The following RHEX variants were observed in gnomAD, a reference collection of about 807,000 sequenced individuals.
RHEX encodes regulator of hemoglobinization and erythroid cell expansion.
RHEX carries 18 observed loss-of-function variants against 20.1 expected under a neutral mutation model. That is an observed-to-expected ratio of 0.90 (90% confidence interval 0.62 to 1.33). RHEX has a LOEUF of 1.33. Ranked by LOEUF, RHEX falls within the 40% of genes most tolerant of loss-of-function variation. RHEX has a pLI of 0.00. For synonymous variants in RHEX, 87 were observed against 77.1 expected (o/e 1.13, Z -0.67); for missense variants, 192 against 214.3 (o/e 0.90, Z 0.65).
chr1:206,093,463 G>A (rs1662999300), intron 1 of RHEX, among the ~76,000 whole-genome samples: 1 of 151,974 alleles, frequency 6.6e-6, no homozygotes, highest in Admixed American at 6.6e-5. Flanking sequence ...TAGAGACGGG[G>A]TTTCACCATC....
intron 1 of RHEX, among the ~76,000 whole-genome samples, chr1:206,089,034 C>T (rs1481143917): frequency 2.0e-5 from 3 of 152,142 alleles, no homozygotes; most frequent in African/African-American, 7.2e-5. Context: ...TTGTCTCTTA[C>T]CCTCATGTAA....
rs186496900 is a variant in RHEX at position 206,053,224 on chromosome 1, C to T, written c.-138C>T. ...GAGGATTAACACAGTGGCTGAACACCGGGAAGGAACTGGCACTTGGAGTCC... is the reference window on the plus strand; with the variant it reads ...GAGGATTAACACAGTGGCTGAACACTGGGAAGGAACTGGCACTTGGAGTCC... On this transcript the variant is annotated 5_prime_UTR_variant, in exon 1 of 6. Transcript: ENST00000331555. The T allele has an allele frequency of 9.8e-5, 15 of 152,712 alleles. No individual in the cohort carries two copies. The highest frequency in any genetic ancestry group is 2.0e-4 in the Admixed American group (3 of 15,290). The allele number at this position is 152,712 out of a possible 1,614,324, so 9.5% of individuals were successfully genotyped here.
chr1:206,075,512 G>C (rs1228420404), intron 1 of RHEX, among the ~76,000 whole-genome samples: 3 of 152,004 alleles, frequency 2.0e-5, no homozygotes, highest in Non-Finnish European at 4.4e-5. Flanking sequence ...TTAAACTATT[G>C]TGGTGACAAA....
intron 1 of RHEX, among the ~76,000 whole-genome samples, chr1:206,075,898 G>A (rs1339652363): frequency 6.6e-6 from 1 of 152,130 alleles, no homozygotes; most frequent in East Asian, 1.9e-4. Context: ...ACCGTGCACA[G>A]CCAGAACAAG....
chr1:206,099,838 A>T, intron 4 of RHEX, 40 bp downstream of exon 4: 2 of 1,602,444 alleles, frequency 1.2e-6, no homozygotes, highest in Non-Finnish European at 1.7e-6. Flanking sequence ...CTAGGGACTA[A>T]CTTTGCTCTC....
intron 1 of RHEX, among the ~76,000 whole-genome samples, chr1:206,066,210 A>G (rs1662419565): frequency 6.6e-6 from 1 of 152,224 alleles, no homozygotes; most frequent in Admixed American, 6.5e-5. Flanking sequence ...CGTTGCTCTT[A>G]TCTGCGAATC....
At chr1:206,063,471 C>G (rs1024420930) in intron 1 of RHEX, among the ~76,000 whole-genome samples, 10 of 152,250 alleles carry the variant, frequency 6.6e-5, no homozygotes, top group African/African-American at 2.4e-4. Flanking sequence ...GCTGCCATCT[C>G]GGCTCACTGC....
intron 1 of RHEX, among the ~76,000 whole-genome samples, chr1:206,082,565 A>G (rs972906299): frequency 3.3e-5 from 5 of 152,194 alleles, no homozygotes; most frequent in Non-Finnish European, 7.3e-5. Context: ...TCACTACAGA[A>G]AGGACATTCT....
chr1:206,091,898 C>T (rs1662956355), intron 1 of RHEX, among the ~76,000 whole-genome samples: 1 of 152,118 alleles, frequency 6.6e-6, no homozygotes, highest in Non-Finnish European at 1.5e-5. Context: ...TTCTGTCTTC[C>T]TGTGCCCTGT....
intron 1 of RHEX, among the ~76,000 whole-genome samples, chr1:206,077,441 C>G (rs574942094): frequency 1.3e-5 from 2 of 152,092 alleles, no homozygotes; most frequent in African/African-American, 4.8e-5. Context: ...TGGTGACCAT[C>G]AAGATGACAT....
chr1:206,056,437 T>C (rs1174846248), intron 1 of RHEX: 4 of 152,278 alleles, frequency 2.6e-5, no homozygotes, highest in African/African-American at 9.7e-5. Flanking sequence ...TGAGAACTGT[T>C]TCCAGTATAT....
chr1:206,088,090 A>G (rs1553286595), intron 1 of RHEX, among the ~76,000 whole-genome samples: 3 of 152,224 alleles, frequency 2.0e-5, no homozygotes, highest in African/African-American at 7.2e-5. Context: ...ACTGCACTCC[A>G]GCCAATTAGG....
At chr1:206,063,868 A>G (rs1571853888) in intron 1 of RHEX, among the ~76,000 whole-genome samples, 5 of 130,752 alleles carry the variant, frequency 3.8e-5, no homozygotes, top group East Asian at 2.3e-4. Flanking sequence ...CTGGGATGTG[A>G]GGAGCCCCTC....
intron 1 of RHEX, among the ~76,000 whole-genome samples, chr1:206,093,613 T>C (rs1294221332): frequency 6.6e-6 from 1 of 152,128 alleles, no homozygotes; most frequent in African/African-American, 2.4e-5. Context: ...ATTGTGATCT[T>C]GTTTTAAACC....
chr1:206,053,862 G>A lies in RHEX; in HGVS notation c.-97+597G>A, dbSNP rs138701315. ...TAGTTAAGAGAACAGCAGCATAAGCGGCTGGCAGAGGCAAGGAAAGACCAG... is the reference window on the plus strand; with the variant it reads ...TAGTTAAGAGAACAGCAGCATAAGCAGCTGGCAGAGGCAAGGAAAGACCAG... On this transcript the variant is annotated intron_variant, in intron 1 of 5. Transcript: ENST00000331555. Among the ~76,000 whole-genome samples the A allele has an allele frequency of 5.4e-3, 816 of 152,260 alleles. 1 individual carries two copies. The highest frequency in any genetic ancestry group is 0.01 in the Middle Eastern group (3 of 294).
chr1:206,060,429 T>G (rs1662288351), intron 1 of RHEX: 3 of 152,336 alleles, frequency 2.0e-5, no homozygotes, highest in Middle Eastern at 3.4e-3. Flanking sequence ...AGCCAGAGAC[T>G]AACACTGCAG....
chr1:206,055,470 G>C (rs1388685163), intron 1 of RHEX, among the ~76,000 whole-genome samples: 1 of 152,016 alleles, frequency 6.6e-6, no homozygotes, highest in African/African-American at 2.4e-5. Flanking sequence ...TCATCAACCA[G>C]AGGAAGGAAA....
At chr1:206,071,872 A>G (rs868928828) in intron 1 of RHEX, among the ~76,000 whole-genome samples, 3 of 151,980 alleles carry the variant, frequency 2.0e-5, no homozygotes, top group African/African-American at 4.8e-5. Context: ...AAAAAAAAAA[A>G]AAAGAAAAAG....
chr1:206,101,625 A>G (rs1237181995), intron 5 of RHEX, 127 bp from the exon 6 acceptor site: 1 of 709,744 alleles, frequency 1.4e-6, no homozygotes, highest in Non-Finnish European at 2.4e-6. Flanking sequence ...AGACACAGCT[A>G]TTTGGACCCA....
Sources: allele counts gnomAD v4.1 joint callset (sites outside exome capture counted in the v4.1 genomes callset), GRCh38; gene constraint gnomAD v4.1.1; transcripts MANE v1.5; gene names NCBI Gene and HGNC (gene_info 2026-07-23, HGNC 2026-07-21).